Variants in FRY observed in about 807,000 individuals in gnomAD.
FRY encodes the protein FRY microtubule binding protein.
A neutral mutation model predicts 348.4 loss-of-function variants in FRY; 128 were observed. The ratio of observed to expected loss-of-function variants is 0.37; its 90% confidence interval spans 0.32 to 0.43. The LOEUF (loss-of-function observed/expected upper bound fraction) is 0.43, where lower values mean the gene tolerates loss of function less well. Ranked by LOEUF, FRY falls within the 20% of genes least tolerant of loss-of-function variation. The pLI is 1.00. For missense variants in FRY, 2,736 were observed against 3,695.2 expected, an observed-to-expected ratio of 0.74 and a Z score of 6.73; for synonymous variants, 1,370 against 1,374.7, an observed-to-expected ratio of 1.00 and a Z score of 0.08.
intron 58 of FRY, chr13:32,287,818 T>G (rs768905912): frequency 1.7e-6 from 2 of 1,209,784 alleles, no homozygotes; most frequent in Middle Eastern, 2.2e-4. Context: ...ACACTGACCC[T>G]GTACTTTCTT....
In FRY at chr13:32,166,887, TC is replaced by T. The variant is rs1282066075; in HGVS notation, c.1893-4124del. The stretch of plus-strand genomic sequence containing the variant: ...CCCAGAAGCCCTTTCCCCTCCCTGG[TC>T]TTCTTCCTCCAGGAATATTTTTGAG... On this transcript the variant is annotated intron_variant, in intron 17 of 60. Coordinates refer to ENST00000542859, the MANE Select transcript of FRY (RefSeq NM_023037.3). 2.6e-4 allele frequency among the ~76,000 whole-genome samples: 39 copies of T among 152,140 alleles called. 1 individual carries two copies. The highest frequency in any genetic ancestry group is 5.9e-5 in the Non-Finnish European group (4 of 68,038).
At chr13:32,260,313 A>G (rs1405696332) in intron 51 of FRY, among the ~76,000 whole-genome samples, 1 of 152,256 alleles carries the variant, frequency 6.6e-6, no homozygotes, top group Admixed American at 6.5e-5. Context: ...AGTAAATGAA[A>G]AGATTCTGTA....
intron 2 of FRY, among the ~76,000 whole-genome samples, chr13:32,086,845 T>C (rs184981862): frequency 1.3e-5 from 2 of 152,278 alleles, no homozygotes; most frequent in African/African-American, 2.4e-5. Context: ...AAACACTTTT[T>C]ATGACGAAAG....
intron 2 of FRY, 22 bp downstream of exon 2, chr13:32,079,055 T>C (rs745323573): frequency 4.5e-6 from 7 of 1,539,318 alleles, no homozygotes; most frequent in Non-Finnish European, 6.3e-6. Context: ...CCGTGGAAAC[T>C]GCCTCTTTGA....
At chr13:32,227,897 G>A (rs1362930260) in intron 39 of FRY, among the ~76,000 whole-genome samples, 8 of 152,030 alleles carry the variant, frequency 5.3e-5, no homozygotes, top group Non-Finnish European at 1.0e-4. Flanking sequence ...GACTACAGGT[G>A]CCGACCACCA....
In FRY at chr13:32,212,284, A is replaced by T. The variant is rs760957283; in HGVS notation, c.4592-8A>T. On this transcript the variant is annotated splice_polypyrimidine_tract_variant and splice_region_variant and intron_variant, in intron 34 of 60. Coordinates refer to ENST00000542859, the MANE Select transcript of FRY (RefSeq NM_023037.3). ...TTATAAGTGTTTTTCTTCCATTCCC[A>T]TCTACAGGAACCACCTCTAGCAGCA... The T allele has an allele frequency of 1.8e-5, 29 of 1,572,724 alleles. No individual in the cohort carries two copies. Among genetic ancestry groups the T allele is most frequent in the Non-Finnish European group, 2.5e-5 (29 of 1,144,202 alleles).
At chr13:32,117,078 C>T (rs902163426) in intron 3 of FRY, among the ~76,000 whole-genome samples, 2 of 152,146 alleles carry the variant, frequency 1.3e-5, no homozygotes, top group African/African-American at 4.8e-5. Context: ...ATGCAATTAA[C>T]ATCTGATTTC....
rs117528540 is a variant in FRY at position 32,163,166 on chromosome 13, T to C, written c.1892+1915T>C. On this transcript the variant is annotated intron_variant, in intron 17 of 60. Coordinates refer to ENST00000542859, the MANE Select transcript of FRY (RefSeq NM_023037.3). ...GCCTGTCAGTTTGCTGTGGACAGCA[T>C]TGGAGAGGGTGGCATGACCAGGAGA... Among the ~76,000 whole-genome samples, 12 of 152,286 alleles carry C rather than the reference T, an allele frequency of 7.9e-5. No individual in the cohort carries two copies. In the East Asian group the frequency reaches 2.3e-3, roughly 29 times the overall value.
chr13:32,188,860 GT>G (rs1342084226), intron 28 of FRY, among the ~76,000 whole-genome samples: 1 of 152,056 alleles, frequency 6.6e-6, no homozygotes, highest in Non-Finnish European at 1.5e-5. Flanking sequence ...CTGCTGATGA[GT>G]TTTGGTGCCC....
At chr13:32,184,762 T>C in intron 25 of FRY, 71 bp downstream of exon 25, 1 of 1,051,610 alleles carries the variant, frequency 9.5e-7, no homozygotes, top group Non-Finnish European at 1.5e-6. Flanking sequence ...TCTGTCTCTC[T>C]CTTTTGTCTT....
intron 23 of FRY, among the ~76,000 whole-genome samples, chr13:32,182,506 T>C (rs1163544828): frequency 1.3e-5 from 2 of 152,208 alleles, no homozygotes; most frequent in Non-Finnish European, 2.9e-5. Flanking sequence ...TGCAGCACTG[T>C]GGTAATTGCA....
chr13:32,158,572 A>G (rs1881249908), intron 16 of FRY, among the ~76,000 whole-genome samples: 1 of 152,178 alleles, frequency 6.6e-6, no homozygotes, highest in African/African-American at 2.4e-5. Flanking sequence ...TCATTTTTCC[A>G]TACTTCTTGC....
chr13:32,172,830 T>C (rs1048314193), intron 18 of FRY, among the ~76,000 whole-genome samples: 2 of 152,126 alleles, frequency 1.3e-5, no homozygotes, highest in African/African-American at 4.8e-5. Context: ...AAAATGAAGG[T>C]GGAAACTTCC....
At chr13:32,035,010 G>A (rs1300517029) in intron 1 of FRY, among the ~76,000 whole-genome samples, 2 of 152,194 alleles carry the variant, frequency 1.3e-5, no homozygotes, top group Non-Finnish European at 2.9e-5. Context: ...TCTGTAAAAT[G>A]TACGCAAAAA....
At chr13:32,108,291 T>C (rs1877707943) in intron 3 of FRY, among the ~76,000 whole-genome samples, 1 of 152,154 alleles carries the variant, frequency 6.6e-6, no homozygotes, top group African/African-American at 2.4e-5. Context: ...GAGAACAAGA[T>C]TTATCAGGTG....
intron 58 of FRY, among the ~76,000 whole-genome samples, chr13:32,279,127 G>C (rs1158052973): frequency 6.6e-6 from 1 of 152,224 alleles, no homozygotes; most frequent in African/African-American, 2.4e-5. Flanking sequence ...TTCTGATCTT[G>C]TCAGCGAGAC....
At chr13:32,162,449 C>T (rs1256010467) in intron 17 of FRY, among the ~76,000 whole-genome samples, 1 of 152,146 alleles carries the variant, frequency 6.6e-6, no homozygotes, top group Non-Finnish European at 1.5e-5. Flanking sequence ...AGCCCCGCAC[C>T]TCCTGGTTAT....
intron 48 of FRY, among the ~76,000 whole-genome samples, chr13:32,248,346 C>G (rs1279607413): frequency 6.6e-6 from 1 of 151,970 alleles, no homozygotes; most frequent in Non-Finnish European, 1.5e-5. Context: ...AATACATGGA[C>G]ACAGGGAGGG....
chr13:32,120,778 C>T (rs1397959281), intron 4 of FRY, among the ~76,000 whole-genome samples: 2 of 152,246 alleles, frequency 1.3e-5, no homozygotes, highest in Non-Finnish European at 2.9e-5. Context: ...TCTCCTGCCT[C>T]AGCCTCCCAA....
Sources: gnomAD v4.1 joint callset for allele counts (sites outside exome capture counted in the v4.1 genomes callset) on GRCh38, gnomAD v4.1.1 for gene constraint, MANE v1.5 for transcripts, NCBI Gene and HGNC (gene_info 2026-07-23, HGNC 2026-07-21) for gene names.